The following ENDOD1 variants were observed in gnomAD, a reference collection of about 807,000 sequenced individuals.
The protein encoded by ENDOD1 is endonuclease domain containing 1.
ENDOD1 carries 9 observed loss-of-function variants against 6.5 expected under a neutral mutation model. The ratio of observed to expected loss-of-function variants is 1.39; its 90% confidence interval spans 0.84 to 2.43. The LOEUF is 2.43. Among genes scored for constraint, ENDOD1 ranks in the 30% most tolerant of loss-of-function variants. The pLI is 0.00. For synonymous variants in ENDOD1, 255 were observed against 255.2 expected (o/e 1.00, Z 0.01); for missense variants, 648 against 635.5 (o/e 1.02, Z -0.21).
At chr11:95,096,252 T>TTTTC (rs56778814) in intron 1 of ENDOD1, among the ~76,000 whole-genome samples, 19 of 138,340 alleles carry the variant, frequency 1.4e-4, no homozygotes, top group South Asian at 2.3e-4. Context: ...TTTTTTTTTT[T>TTTTC]CAAATTTCCT....
chr11:95,114,991 C>T (rs1177547984), intron 1 of ENDOD1, among the ~76,000 whole-genome samples: 1 of 152,080 alleles, frequency 6.6e-6, no homozygotes, highest in African/African-American at 2.4e-5. Context: ...TTCTATGGTT[C>T]CATATAGATT....
Position 95,129,757 on chromosome 11 carries a change from G to A in ENDOD1, c.*178G>A. ...AGACTTGACAGAGGAGAAATGCTCA[G>A]GGTGAGATTAGGTGTAGTAATCTGC... On this transcript the variant is annotated 3_prime_UTR_variant, in exon 2 of 2. Coordinates refer to ENST00000278505, the MANE Select transcript of ENDOD1 (RefSeq NM_015036.3). 1.5e-6 allele frequency: 1 copy of A among 658,400 alleles called. No homozygotes were observed. Among genetic ancestry groups the A allele is most frequent in the Non-Finnish European group, 2.5e-6 (1 of 392,784 alleles). The allele number at this position is 658,400 out of a possible 1,614,324, so 40.8% of individuals were successfully genotyped here. A position where few individuals can be genotyped will look rare whatever the true frequency, so the allele number is the denominator to read the frequency against.
chr11:95,108,312 C>G (rs7110124), intron 1 of ENDOD1, among the ~76,000 whole-genome samples: 8,193 of 152,228 alleles, frequency 0.054, 336 homozygotes, highest in Admixed American at 0.13. Context: ...CCAACACCTA[C>G]GGGTGTGCAC....
At chr11:95,123,588 C>CAAAAA (rs71930134) in intron 1 of ENDOD1, among the ~76,000 whole-genome samples, 4,580 of 134,802 alleles carry the variant, frequency 0.034, 101 homozygotes, top group East Asian at 0.039. Context: ...GTATAAATAC[C>CAAAAA]AAAAAAAAAA....
rs763877428 is a variant in ENDOD1 at position 95,128,541 on chromosome 11, G to C, written c.465G>C (p.Val155=). 3 of 1,614,048 alleles carry C rather than the reference G, an allele frequency of 1.9e-6. No individual in the cohort carries two copies. The East Asian group carries it at 6.7e-5, about 36-fold the overall frequency. The part of the protein sequence containing the change: ...YPFSLSSDVQ[V]ATFTLTNSAP... Reference sequence around the variant, plus strand: ...TCTCCCTTAGCAGTGATGTCCAGGTGGCCACATTTACTCTCACAAATTCAG... The same window carrying C: ...TCTCCCTTAGCAGTGATGTCCAGGTCGCCACATTTACTCTCACAAATTCAG... Residue 155 remains valine (V), a synonymous_variant, in exon 2 of 2, where the codon GTG becomes GTC. Coordinates refer to ENST00000278505, the MANE Select transcript of ENDOD1 (RefSeq NM_015036.3).
At chr11:95,104,532 G>T (rs1305970428) in intron 1 of ENDOD1, among the ~76,000 whole-genome samples, 2 of 151,754 alleles carry the variant, frequency 1.3e-5, no homozygotes, top group Non-Finnish European at 2.9e-5. Flanking sequence ...AGTTTAGAAG[G>T]TTCCATTGCT....
At chr11:95,108,215 CCTTTCGAACG>C in intron 1 of ENDOD1, among the ~76,000 whole-genome samples, 1 of 152,216 alleles carries the variant, frequency 6.6e-6, no homozygotes, top group Non-Finnish European at 1.5e-5. Flanking sequence ...GAACACCCAC[CCTTTCGAACG>C]TTTTATCTTC....
intron 1 of ENDOD1, among the ~76,000 whole-genome samples, chr11:95,090,443 C>A (rs1051301626): frequency 4.7e-5 from 7 of 147,572 alleles, no homozygotes; most frequent in African/African-American, 1.8e-4. Flanking sequence ...GCCTGGCGAT[C>A]TGCGAGCCTT....
intron 1 of ENDOD1, among the ~76,000 whole-genome samples, chr11:95,110,459 C>A (rs974216517): frequency 6.6e-6 from 1 of 152,174 alleles, no homozygotes; most frequent in Admixed American, 6.5e-5. Context: ...ATGATCCCAA[C>A]TTTTGAGGAG....
chr11:95,094,567 C>A (rs1858965787), intron 1 of ENDOD1, among the ~76,000 whole-genome samples: 1 of 152,210 alleles, frequency 6.6e-6, no homozygotes, highest in Admixed American at 6.5e-5. Context: ...CTGGAGGGCA[C>A]AGTGAGGTCT....
At chr11:95,120,333 G>A (rs962102743) in intron 1 of ENDOD1, among the ~76,000 whole-genome samples, 1 of 152,090 alleles carries the variant, frequency 6.6e-6, no homozygotes, top group Non-Finnish European at 1.5e-5. Flanking sequence ...GCTTACCTAG[G>A]TATTGCTGCT....
At chr11:95,098,496 A>G (rs973929706) in intron 1 of ENDOD1, among the ~76,000 whole-genome samples, 3 of 152,298 alleles carry the variant, frequency 2.0e-5, no homozygotes, top group South Asian at 2.1e-4. Flanking sequence ...TTACATATTT[A>G]TTGCACATTT....
chr11:95,110,580 T>TGTGTG (rs1328195306), intron 1 of ENDOD1, among the ~76,000 whole-genome samples: 1,655 of 130,910 alleles, frequency 0.013, 27 homozygotes, highest in African/African-American at 0.044. Context: ...AGTCCGTGTA[T>TGTGTG]GTATGTGTGT....
In ENDOD1 at chr11:95,128,845, C is replaced by G; in HGVS notation, c.769C>G (p.Leu257Val). 6.8e-6 allele frequency: 11 copies of G among 1,614,200 alleles called. No individual in the cohort carries two copies. The highest frequency in any genetic ancestry group is 9.3e-6 in the Non-Finnish European group (11 of 1,180,040). Residue 257 changes from leucine to valine, a missense_variant, in exon 2 of 2, where the codon CTG becomes GTG. Coordinates refer to ENST00000278505, the MANE Select transcript of ENDOD1 (RefSeq NM_015036.3). ...EDVMVKDLQK[L>V]LPFNPQLFQN... ...TGTGATGGTAAAAGATCTTCAGAAACTGCTTCCATTTAACCCTCAGCTGTT... is the reference window on the plus strand; with the variant it reads ...TGTGATGGTAAAAGATCTTCAGAAAGTGCTTCCATTTAACCCTCAGCTGTT...
intron 1 of ENDOD1, among the ~76,000 whole-genome samples, chr11:95,094,135 A>C (rs1555110104): frequency 1.3e-5 from 2 of 148,220 alleles, no homozygotes; most frequent in African/African-American, 4.9e-5. Flanking sequence ...TTATATAATT[A>C]ATATATTATA....
intron 1 of ENDOD1, among the ~76,000 whole-genome samples, chr11:95,103,239 A>AATTG (rs1293886375): frequency 2.6e-5 from 4 of 152,106 alleles, no homozygotes; most frequent in South Asian, 4.2e-4. Context: ...TCTACCAGTG[A>AATTG]ATTGGGGTTT....
intron 1 of ENDOD1, among the ~76,000 whole-genome samples, chr11:95,097,154 C>CTCA (rs1565443579): frequency 7.1e-6 from 1 of 140,168 alleles, no homozygotes; most frequent in Non-Finnish European, 1.5e-5. Flanking sequence ...GACCCTGTTT[C>CTCA]AAAAAAAAAA....
At chr11:95,107,817 C>T (rs892238165) in intron 1 of ENDOD1, among the ~76,000 whole-genome samples, 18 of 152,140 alleles carry the variant, frequency 1.2e-4, no homozygotes, top group African/African-American at 3.6e-4. Flanking sequence ...CGCGCCACTC[C>T]GCCCGGCTAA....
rs1555109688 is a variant in ENDOD1 at position 95,090,141 on chromosome 11, C to T, written c.214C>T (p.Arg72Trp). ...GCGCTTCGCCACCCTCTACAGCACCCGGGACCGCATCCCCGTGTACTCCGC... is the reference window on the plus strand; with the variant it reads ...GCGCTTCGCCACCCTCTACAGCACCTGGGACCGCATCCCCGTGTACTCCGC... ...AERFATLYSTRDRIPVYSAFR... is the reference protein window; with the variant it reads ...AERFATLYSTWDRIPVYSAFR... The change falls in exon 1 of 2, where the codon CGG (arginine) becomes TGG (tryptophan). Residue 72 changes from arginine to tryptophan, a missense_variant. By Grantham distance (101) the Arg-to-Trp change is moderately radical. Coordinates refer to ENST00000278505, the MANE Select transcript of ENDOD1 (RefSeq NM_015036.3). 2 of 1,524,440 alleles carry T rather than the reference C, an allele frequency of 1.3e-6. No individual in the cohort carries two copies. Among genetic ancestry groups the T allele is most frequent in the South Asian group, 1.2e-5 (1 of 81,186 alleles). The allele number at this position is 1,524,440 out of a possible 1,614,324, so 94.4% of individuals were successfully genotyped here. A position where few individuals can be genotyped will look rare whatever the true frequency, so the allele number is the denominator to read the frequency against.
Sources: gnomAD v4.1 joint callset for allele counts (sites outside exome capture counted in the v4.1 genomes callset) on GRCh38, gnomAD v4.1.1 for gene constraint, MANE v1.5 for transcripts, NCBI Gene and HGNC (gene_info 2026-07-23, HGNC 2026-07-21) for gene names.